Variants in HS6ST1 observed in about 807,000 individuals in gnomAD.
HS6ST1 encodes heparan sulfate 6-O-sulfotransferase 1, also known as heparan-sulfate 6-O-sulfotransferase 1.
Under a neutral mutation model 25.2 loss-of-function variants are expected in HS6ST1, and 3 were observed. The ratio of observed to expected loss-of-function variants is 0.12; its 90% CI spans 0.05 to 0.31. The LOEUF is 0.31. Ranked by LOEUF, HS6ST1 falls within the 10% of genes least tolerant of loss-of-function variation. The pLI is 1.00. For synonymous variants in HS6ST1, 204 were observed against 275.1 expected (o/e 0.74, Z 2.56); for missense variants, 310 against 609.6 (o/e 0.51, Z 5.18).
At chr2:128,307,845 C>A (rs1694235408) in intron 1 of HS6ST1, among the ~76,000 whole-genome samples, 1 of 152,162 alleles carries the variant, frequency 6.6e-6, no homozygotes, top group African/African-American at 2.4e-5. Context: ...CACATAGGGA[C>A]CATGAGCGAG....
At chr2:128,304,592 C>T (rs1378914793) in intron 1 of HS6ST1, among the ~76,000 whole-genome samples, 1 of 34,458 alleles carries the variant, frequency 2.9e-5, no homozygotes, top group Non-Finnish European at 5.0e-5. Context: ...GTGACCTCTG[C>T]CCGTGGGTCC....
At position 128,290,730 on chromosome 2, in the gene HS6ST1, G is replaced by A. The variant is rs1297336076; in HGVS notation, c.528-21860C>T. On this transcript the variant is annotated intron_variant, in intron 1 of 1. Transcript: ENST00000259241. ...CTCACACTTGTAATCCCAGCACTTT[G>A]GGAGGCTGAGGCAGGTGGATGACTT... is the stretch of plus-strand genomic sequence containing the variant. 2.0e-5 allele frequency among the ~76,000 whole-genome samples: 3 copies of A among 150,222 alleles called. No individual in the cohort carries two copies. The Admixed American group carries it at 2.0e-4, about 10-fold the overall frequency.
At chr2:128,298,437 G>T (rs530928286) in intron 1 of HS6ST1, among the ~76,000 whole-genome samples, 2 of 152,194 alleles carry the variant, frequency 1.3e-5, no homozygotes, top group Admixed American at 6.5e-5. Context: ...ACAGATGAAG[G>T]GATGATGAGC....
intron 1 of HS6ST1, among the ~76,000 whole-genome samples, chr2:128,303,299 G>A (rs747743162): frequency 1.3e-5 from 2 of 152,224 alleles, no homozygotes; most frequent in Non-Finnish European, 2.9e-5. Flanking sequence ...CAGGGACACG[G>A]GGCCATGCAG....
At chr2:128,305,824 T>A (rs1694199987) in intron 1 of HS6ST1, among the ~76,000 whole-genome samples, 2 of 152,128 alleles carry the variant, frequency 1.3e-5, no homozygotes. Context: ...CAGCAGTCCC[T>A]CAGGACCTGC....
At chr2:128,283,673 C>T (rs548876552) in intron 1 of HS6ST1, among the ~76,000 whole-genome samples, 4 of 152,286 alleles carry the variant, frequency 2.6e-5, no homozygotes, top group Admixed American at 2.6e-4. Flanking sequence ...CCCCTCGCTC[C>T]TCCCTCCCCC....
At chr2:128,276,062 T>C (rs1470456174) in intron 1 of HS6ST1, among the ~76,000 whole-genome samples, 1 of 152,238 alleles carries the variant, frequency 6.6e-6, no homozygotes. Context: ...GTAACGTGTA[T>C]TTTATCAAGT....
chr2:128,268,930 G>A, intron 1 of HS6ST1, 60 bp from the exon 2 acceptor site: 1 of 1,441,218 alleles, frequency 6.9e-7, no homozygotes, highest in Non-Finnish European at 9.6e-7. Flanking sequence ...GGGCTACCAG[G>A]GCTGCTCTGA....
intron 1 of HS6ST1, 91 bp downstream of exon 1, chr2:128,317,946 G>C (rs1246079614): frequency 3.8e-6 from 5 of 1,330,350 alleles, no homozygotes; most frequent in African/African-American, 1.6e-5. Context: ...AGGGGGTAGG[G>C]AAGGCAGGGC....
chr2:128,297,209 C>A (rs1031009621), intron 1 of HS6ST1, among the ~76,000 whole-genome samples: 1 of 152,148 alleles, frequency 6.6e-6, no homozygotes, highest in Non-Finnish European at 1.5e-5. Context: ...CAATGGAATA[C>A]GATAAAGAGC....
At chr2:128,311,322 G>GTC (rs1013233049) in intron 1 of HS6ST1, among the ~76,000 whole-genome samples, 1 of 152,198 alleles carries the variant, frequency 6.6e-6, no homozygotes, top group South Asian at 2.1e-4. Flanking sequence ...GCAGGTGCCA[G>GTC]TGAGTGTCCA....
chr2:128,284,339 C>T (rs1693829413), intron 1 of HS6ST1, among the ~76,000 whole-genome samples: 1 of 152,128 alleles, frequency 6.6e-6, no homozygotes, highest in South Asian at 2.1e-4. Flanking sequence ...CTCCCTCCCA[C>T]CTGTTGCCAC....
At chr2:128,294,713 T>TGTGTGTGC (rs897172094) in intron 1 of HS6ST1, among the ~76,000 whole-genome samples, 7 of 128,230 alleles carry the variant, frequency 5.5e-5, no homozygotes, top group African/African-American at 1.6e-4. Flanking sequence ...TGTGTGTGTG[T>TGTGTGTGC]GTGGAGGGGG....
Position 128,266,390 on chromosome 2 carries a change from G to A in HS6ST1, c.*1772C>T, listed in dbSNP as rs955490153. ...CCTTAGTGTGATGCATCCACCCAGGGAGGTGGCCCTGCGCGGCGCTGGCAC... is the reference window on the plus strand; with the variant it reads ...CCTTAGTGTGATGCATCCACCCAGGAAGGTGGCCCTGCGCGGCGCTGGCAC... On this transcript the variant is annotated 3_prime_UTR_variant, in exon 2 of 2. Transcript: ENST00000259241. The A allele has an allele frequency of 1.3e-5, 2 of 152,262 alleles. No homozygotes were observed. Among genetic ancestry groups the A allele is most frequent in the East Asian group, 1.9e-4 (1 of 5,178 alleles). 9.4% of individuals were successfully genotyped at this position (152,262 alleles called of 1,614,324 possible). A position where few individuals can be genotyped will look rare whatever the true frequency, so the allele number is the denominator to read the frequency against.
At chr2:128,306,176 G>T (rs934647922) in intron 1 of HS6ST1, among the ~76,000 whole-genome samples, 1 of 152,080 alleles carries the variant, frequency 6.6e-6, no homozygotes, top group African/African-American at 2.4e-5. Flanking sequence ...CTGCACCCTC[G>T]GGACAGGAAT....
At chr2:128,302,615 C>A (rs1162147457) in intron 1 of HS6ST1, among the ~76,000 whole-genome samples, 1 of 152,156 alleles carries the variant, frequency 6.6e-6, no homozygotes, top group Admixed American at 6.5e-5. Flanking sequence ...CCCCCTGCTA[C>A]TCCTGTGCCT....
At chr2:128,316,706 T>G (rs1292955704) in intron 1 of HS6ST1, among the ~76,000 whole-genome samples, 2 of 148,188 alleles carry the variant, frequency 1.3e-5, no homozygotes, top group African/African-American at 2.6e-5. Context: ...TGTGTGTGTG[T>G]GGGTGTGTGT....
intron 1 of HS6ST1, among the ~76,000 whole-genome samples, chr2:128,282,443 C>T (rs138883655): frequency 1.9e-3 from 286 of 152,302 alleles, no homozygotes; most frequent in African/African-American, 6.7e-3. Flanking sequence ...ACAGCCCTAC[C>T]CAGCCCCCAC....
At chr2:128,300,358 C>A (rs1050785395) in intron 1 of HS6ST1, among the ~76,000 whole-genome samples, 2 of 152,144 alleles carry the variant, frequency 1.3e-5, no homozygotes, top group African/African-American at 2.4e-5. Context: ...ACCACCCACC[C>A]TCTCCCAAAC....
Sources: gnomAD v4.1 joint callset for allele counts (sites outside exome capture counted in the v4.1 genomes callset) on GRCh38, gnomAD v4.1.1 for gene constraint, MANE v1.5 for transcripts, NCBI Gene and HGNC (gene_info 2026-07-23, HGNC 2026-07-21) for gene names.